The following NDUFV2 variants were observed in gnomAD, a reference collection of about 807,000 sequenced individuals.
The protein encoded by NDUFV2 is NADH:ubiquinone oxidoreductase core subunit V2, also known as NADH dehydrogenase [ubiquinone] flavoprotein 2, mitochondrial.
Under a neutral mutation model 31.6 loss-of-function variants are expected in NDUFV2, and 18 were observed. The observed-to-expected ratio is 0.57, with a 90% CI of 0.39 to 0.84. The LOEUF is 0.84. NDUFV2 is among the 40% of genes least tolerant of loss of function. The probability of loss-of-function intolerance (pLI) is 0.00; values close to 1 mark genes in which losing one functional copy is unlikely to be tolerated. For missense variants in NDUFV2, 314 were observed against 303.6 expected, an observed-to-expected ratio of 1.03 and a Z score of -0.26; for synonymous variants, 83 against 99.8, an observed-to-expected ratio of 0.83 and a Z score of 1.01.
At chr18:9,132,583 TA>T (rs1470144882) in intron 7 of NDUFV2, among the ~76,000 whole-genome samples, 2 of 152,076 alleles carry the variant, frequency 1.3e-5, no homozygotes, top group Admixed American at 6.6e-5. Flanking sequence ...ATAGGCAACA[TA>T]AAAAATTACA....
chr18:9,119,906 A>G lies in NDUFV2; in HGVS notation c.300+316A>G, dbSNP rs191727630. On this transcript the variant is annotated intron_variant, in intron 4 of 7. Coordinates refer to ENST00000318388, the MANE Select transcript of NDUFV2 (RefSeq NM_021074.5). ...ATAACTTAGTGTCAAGATATTCTGA[A>G]AATTAATGTAATATTTAAACACTAG... Among the ~76,000 whole-genome samples the G allele has an allele frequency of 5.3e-5, 8 of 152,270 alleles. No homozygotes were observed. In the East Asian group the frequency reaches 1.3e-3, roughly 26 times the overall value.
At chr18:9,108,259 A>G (rs1244383664) in intron 1 of NDUFV2, among the ~76,000 whole-genome samples, 2 of 152,260 alleles carry the variant, frequency 1.3e-5, no homozygotes, top group Non-Finnish European at 2.9e-5. Flanking sequence ...AATTACTTAC[A>G]TTTTAACCTG....
intron 5 of NDUFV2, among the ~76,000 whole-genome samples, chr18:9,124,665 G>A (rs1352636855): frequency 6.6e-6 from 1 of 150,936 alleles, no homozygotes; most frequent in Non-Finnish European, 1.5e-5. Context: ...AGCCAGGATG[G>A]TCTAGATCTC....
chr18:9,113,120 A>G (rs2077880081), intron 1 of NDUFV2, among the ~76,000 whole-genome samples: 1 of 152,222 alleles, frequency 6.6e-6, no homozygotes, highest in African/African-American at 2.4e-5. Flanking sequence ...CAGAATAATA[A>G]CAGTATGTAC....
chr18:9,102,962 C>T (rs1403210314), intron 1 of NDUFV2, 165 bp downstream of exon 1: 3 of 622,414 alleles, frequency 4.8e-6, no homozygotes, highest in African/African-American at 1.9e-5. Context: ...GCAGCCCCAC[C>T]GTGAGAAGCC....
intron 1 of NDUFV2, among the ~76,000 whole-genome samples, chr18:9,111,910 G>A (rs1050134288): frequency 6.6e-6 from 1 of 151,628 alleles, no homozygotes; most frequent in African/African-American, 2.4e-5. Context: ...CTTCAGAGGT[G>A]CTAGAATGTG....
chr18:9,110,493 C>A (rs1057460355), intron 1 of NDUFV2, among the ~76,000 whole-genome samples: 8 of 151,880 alleles, frequency 5.3e-5, no homozygotes, highest in Non-Finnish European at 1.2e-4. Flanking sequence ...TAGTTTGTTT[C>A]TTTCTTTATT....
intron 5 of NDUFV2, among the ~76,000 whole-genome samples, chr18:9,124,185 T>A (rs1024729688): frequency 8.0e-5 from 12 of 150,536 alleles, no homozygotes; most frequent in Admixed American, 6.6e-4. Flanking sequence ...TACATAGAGT[T>A]TTTTTTTTGT....
chr18:9,114,071 A>G (rs1018676360), intron 1 of NDUFV2, among the ~76,000 whole-genome samples: 2 of 152,212 alleles, frequency 1.3e-5, no homozygotes, highest in Non-Finnish European at 2.9e-5. Context: ...AAGGTATTTT[A>G]TACAAAAATA....
intron 1 of NDUFV2, chr18:9,112,414 A>AC (rs1306277137): frequency 2.0e-5 from 3 of 152,224 alleles, no homozygotes; most frequent in African/African-American, 7.2e-5. Flanking sequence ...TAATGCACAG[A>AC]CATGAAATAA....
Position 9,126,935 on chromosome 18 carries a change from T to G in NDUFV2, c.656+28T>G, listed in dbSNP as rs201601849. ...ATGCTTTATTTATATATAGGAAGTT[T>G]TAGTGGCTCACCTAAATTAATCTTT... On this transcript the variant is annotated intron_variant, in intron 7 of 7. Transcript: ENST00000318388. The G allele has an allele frequency of 8.1e-5, 125 of 1,545,232 alleles. 1 individual carries two copies. Among genetic ancestry groups the G allele is most frequent in the Non-Finnish European group, 2.2e-5 (25 of 1,117,360 alleles).
intron 5 of NDUFV2, among the ~76,000 whole-genome samples, 186 bp from the exon 6 acceptor site, chr18:9,124,688 T>G (rs1459159276): frequency 6.6e-6 from 1 of 152,132 alleles, no homozygotes; most frequent in East Asian, 1.9e-4. Context: ...GACCTCGTGA[T>G]CTGCCCACCC....
At chr18:9,103,388 AT>A in intron 1 of NDUFV2, 1 of 362,468 alleles carries the variant, frequency 2.8e-6, no homozygotes, top group Non-Finnish European at 4.9e-6. Context: ...GAACCACAGG[AT>A]TTTAGAGATT....
intron 2 of NDUFV2, among the ~76,000 whole-genome samples, chr18:9,119,044 G>A (rs180960007): frequency 6.6e-6 from 1 of 151,976 alleles, no homozygotes; most frequent in Admixed American, 6.5e-5. Context: ...TAATGAAGCT[G>A]GATAACACTT....
At chr18:9,132,070 T>G (rs73390120) in intron 7 of NDUFV2, among the ~76,000 whole-genome samples, 3,193 of 152,262 alleles carry the variant, frequency 0.021, 118 homozygotes, top group African/African-American at 0.073. Context: ...CAGCCAGACA[T>G]ACTGGATCAC....
At chr18:9,118,017 G>A (rs2077907872) in intron 2 of NDUFV2, 114 bp downstream of exon 2, 5 of 749,310 alleles carry the variant, frequency 6.7e-6, no homozygotes, top group Admixed American at 6.2e-5. Context: ...GATGGTCATC[G>A]TGAGAATTTA....
chr18:9,108,676 T>G (rs1179478676), intron 1 of NDUFV2, among the ~76,000 whole-genome samples: 1 of 145,362 alleles, frequency 6.9e-6, no homozygotes, highest in East Asian at 2.0e-4. Context: ...GAAAAACTTT[T>G]GTTTTTCATG....
intron 6 of NDUFV2, among the ~76,000 whole-genome samples, chr18:9,125,980 C>CT (rs2077987212): frequency 2.0e-5 from 3 of 152,188 alleles, no homozygotes. Context: ...CTGGGGCTGG[C>CT]TGGGTCCCTT....
chr18:9,117,062 A>C (rs1343691300), intron 1 of NDUFV2, among the ~76,000 whole-genome samples: 2 of 148,286 alleles, frequency 1.3e-5, no homozygotes, highest in Non-Finnish European at 3.0e-5. Context: ...TTTGAGACGG[A>C]GCCTTGCTCT....
Sources: allele counts gnomAD v4.1 joint callset (sites outside exome capture counted in the v4.1 genomes callset), GRCh38; gene constraint gnomAD v4.1.1; transcripts MANE v1.5; gene names NCBI Gene and HGNC (gene_info 2026-07-23, HGNC 2026-07-21).